The following ETV1 variants were observed in gnomAD, a reference collection of about 807,000 sequenced individuals.
The protein encoded by ETV1 is ETS variant transcription factor 1.
ETV1 carries 27 observed loss-of-function variants against 62.3 expected under a neutral mutation model. That is an observed-to-expected ratio of 0.43 (90% CI 0.32 to 0.60). The LOEUF (loss-of-function observed/expected upper bound fraction) is 0.60. Ranked by LOEUF, ETV1 falls within the 20% of genes least tolerant of loss-of-function variation. The pLI, the probability that ETV1 is intolerant of heterozygous loss-of-function variation, is 0.06. For synonymous variants in ETV1, 222 were observed against 199.6 expected (o/e 1.11, Z -0.94); for missense variants, 605 against 605.8 (o/e 1.00, Z 0.01).
intron 9 of ETV1, among the ~76,000 whole-genome samples, chr7:13,915,619 G>A (rs1784067852): frequency 6.6e-6 from 1 of 152,142 alleles, no homozygotes; most frequent in Non-Finnish European, 1.5e-5. Context: ...GTTTTATGCA[G>A]ATGTGTTTAA....
intron 13 of ETV1, chr7:13,900,345 C>G (rs753290734): frequency 8.7e-5 from 14 of 160,958 alleles, no homozygotes; most frequent in Non-Finnish European, 1.2e-4. Flanking sequence ...TTTTAAGAAT[C>G]AAAACAAGAA....
rs544615778 is a variant in ETV1 at position 13,988,745 on chromosome 7, C to T, written c.45+263G>A. ...TTTGAGTGCAGCAGCTGCTGCTGCC[C>T]TCCATCTCCTCTTCCACTCATGTTG... On this transcript the variant is annotated intron_variant, in intron 3 of 13. Transcript: ENST00000430479. 706 of 1,612,628 alleles carry T rather than the reference C, an allele frequency of 4.4e-4. 5 individuals carry two copies. The South Asian group carries it at 6.9e-3, about 16-fold the overall frequency.
chr7:13,944,108 C>A (rs146310772), intron 6 of ETV1, among the ~76,000 whole-genome samples: 1,647 of 152,240 alleles, frequency 0.011, 20 homozygotes, highest in Non-Finnish European at 0.013. Flanking sequence ...GACCTAGAAG[C>A]AAAAGGCATG....
At chr7:13,952,708 G>T (rs1262761507) in intron 6 of ETV1, among the ~76,000 whole-genome samples, 1 of 152,128 alleles carries the variant, frequency 6.6e-6, no homozygotes, top group Admixed American at 6.5e-5. Context: ...CCACATTTCA[G>T]TAGGAAATGT....
rs28480426 is a variant in ETV1, at chr7:13,892,693, A to G, written c.*3173T>C. The G allele has an allele frequency of 6.6e-3, 1,537 of 232,188 alleles. 22 individuals are homozygous for G. The highest frequency in any genetic ancestry group is 0.027 in the African/African-American group (1,214 of 45,394). The allele number at this position is 232,188 out of a possible 1,614,324, so 14.4% of individuals were successfully genotyped here. A position where few individuals can be genotyped will look rare whatever the true frequency, so the allele number is the denominator to read the frequency against. ...GATTATCTGAGCATCCCCTAAATGT[A>G]ATCACAAGCATCCTTATAAGAGGCA... On this transcript the variant is annotated 3_prime_UTR_variant, in exon 14 of 14. Transcript: ENST00000430479.
intron 8 of ETV1, among the ~76,000 whole-genome samples, chr7:13,932,533 G>A (rs986396394): frequency 4.6e-5 from 7 of 152,270 alleles, no homozygotes; most frequent in East Asian, 1.9e-4. Flanking sequence ...GGCAAGTCCC[G>A]CTGTTAGGAC....
intron 9 of ETV1, among the ~76,000 whole-genome samples, chr7:13,927,466 A>G (rs142339482): frequency 3.0e-4 from 45 of 152,244 alleles, no homozygotes; most frequent in East Asian, 1.7e-3. Flanking sequence ...TACAAATACA[A>G]ATAAACAAAA....
intron 6 of ETV1, among the ~76,000 whole-genome samples, chr7:13,973,251 G>C (rs1158616062): frequency 1.3e-5 from 2 of 152,112 alleles, no homozygotes; most frequent in African/African-American, 4.8e-5. Flanking sequence ...TAAGGCAGAA[G>C]CATCTGATTT....
intron 7 of ETV1, among the ~76,000 whole-genome samples, chr7:13,936,690 T>TA (rs1199559334): frequency 2.6e-5 from 4 of 152,208 alleles, no homozygotes; most frequent in Non-Finnish European, 5.9e-5. Context: ...AATATTTTAC[T>TA]AAAACTAAAT....
intron 3 of ETV1, 112 bp from the exon 4 acceptor site, chr7:13,988,285 C>A: frequency 2.9e-6 from 2 of 684,204 alleles, no homozygotes; most frequent in Non-Finnish European, 5.2e-6. Flanking sequence ...TCTAATGGAT[C>A]TTCTCTGAAT....
chr7:13,988,374 G>A (rs1302332700), intron 3 of ETV1: 3 of 580,194 alleles, frequency 5.2e-6, no homozygotes, highest in Non-Finnish European at 6.0e-6. Flanking sequence ...TGTTAAGCAG[G>A]CAGGGAGAGT....
chr7:13,985,677 A>G (rs1465603806), intron 5 of ETV1, among the ~76,000 whole-genome samples: 1 of 152,162 alleles, frequency 6.6e-6, no homozygotes, highest in Non-Finnish European at 1.5e-5. Flanking sequence ...ATACTGTTAT[A>G]CACTCAATGC....
Position 13,932,589 on chromosome 7 carries a change from A to G in ETV1, c.555-840T>C, listed in dbSNP as rs1347543724. Among the ~76,000 whole-genome samples, 3 of 152,334 alleles carry G rather than the reference A, an allele frequency of 2.0e-5. No homozygotes were observed. In the East Asian group the frequency reaches 5.8e-4, roughly 29 times the overall value. On this transcript the variant is annotated intron_variant, in intron 8 of 13. Transcript: ENST00000430479. ...CAGCAGAAGGCTAGAAATGAGTCCT[A>G]TGCCTCTTTGTTCTTGGTTATACTT...
chr7:13,896,896 T>G (rs563869501), intron 13 of ETV1, among the ~76,000 whole-genome samples: 7 of 152,054 alleles, frequency 4.6e-5, no homozygotes, highest in Non-Finnish European at 7.4e-5. Flanking sequence ...GTTAAGGATG[T>G]GTGTAAAGTG....
intron 6 of ETV1, among the ~76,000 whole-genome samples, chr7:13,948,039 C>G (rs1481886871): frequency 6.6e-6 from 1 of 152,188 alleles, no homozygotes. Context: ...AATAAAAACA[C>G]TTCTCAGAGT....
intron 5 of ETV1, among the ~76,000 whole-genome samples, chr7:13,980,215 C>A (rs1781846667): frequency 6.6e-6 from 1 of 152,108 alleles, no homozygotes; most frequent in Admixed American, 6.6e-5. Context: ...CTTAAATAGA[C>A]AAAGGCTTAA....
intron 9 of ETV1, among the ~76,000 whole-genome samples, chr7:13,927,843 T>G (rs1055834603): frequency 1.3e-5 from 2 of 152,210 alleles, no homozygotes; most frequent in Admixed American, 6.5e-5. Context: ...ACCATTTAAC[T>G]ATTCAAGCAA....
At chr7:13,942,339 T>A (rs1287252051) in intron 6 of ETV1, among the ~76,000 whole-genome samples, 1 of 141,404 alleles carries the variant, frequency 7.1e-6, no homozygotes, top group East Asian at 2.2e-4. Context: ...TTTAAACAAG[T>A]GGTTTTCGAT....
intron 5 of ETV1, among the ~76,000 whole-genome samples, chr7:13,983,737 A>C (rs1782238619): frequency 6.6e-6 from 1 of 151,242 alleles, no homozygotes; most frequent in African/African-American, 2.4e-5. Context: ...TTTAAATTGC[A>C]GTGTTATTTC....
Sources: gnomAD v4.1 joint callset for allele counts (sites outside exome capture counted in the v4.1 genomes callset) on GRCh38, gnomAD v4.1.1 for gene constraint, MANE v1.5 for transcripts, NCBI Gene and HGNC (gene_info 2026-07-23, HGNC 2026-07-21) for gene names.